STRADB: variants seen among roughly 807,000 people sequenced by gnomAD.
STRADB encodes STE20 related adaptor beta, also known as STE20-related kinase adapter protein beta.
STRADB carries 34 observed loss-of-function variants against 52.1 expected under a neutral mutation model. The observed-to-expected ratio is 0.65, with a 90% CI of 0.50 to 0.87. The LOEUF is 0.87. Ranked by LOEUF, STRADB falls within the 40% of genes least tolerant of loss-of-function variation. The pLI is 0.00. For synonymous variants in STRADB, 133 were observed against 174.5 expected, an observed-to-expected ratio of 0.76 and a Z score of 1.87; for missense variants, 340 against 483.9, an observed-to-expected ratio of 0.70 and a Z score of 2.79.
In STRADB at chr2:201,478,541, C is replaced by G. The variant is rs1952517394; in HGVS notation, c.1010C>G (p.Thr337Ser). Residue 337 changes from threonine (T) to serine (S), a missense_variant, in exon 10 of 12, where the codon ACT becomes AGT. Transcript: ENST00000194530. ...CGATTACACACACCATCCTCAAAAA[C>G]TTTCTCTCCTGCCTTCTTTAGCTTG... ...SDRLHTPSSK[T>S]FSPAFFSLVQ... is the part of the protein sequence containing the mutation. 6.2e-7 allele frequency: 1 copy of G among 1,613,890 alleles called. No homozygotes were observed. Among genetic ancestry groups the G allele is most frequent in the Non-Finnish European group, 8.5e-7 (1 of 1,180,012 alleles).
intron 9 of STRADB, 53 bp from the exon 10 acceptor site, chr2:201,478,304 C>T (rs1446658106): frequency 6.2e-7 from 1 of 1,602,932 alleles, no homozygotes. Flanking sequence ...ATTGTTGTTA[C>T]TGTTTTAATA....
chr2:201,475,634 T>G lies in STRADB; in HGVS notation c.440T>G (p.Leu147Arg), dbSNP rs1369743760. The G allele has an allele frequency of 1.2e-6, 2 of 1,611,814 alleles. No individual in the cohort carries two copies. Among genetic ancestry groups the G allele is most frequent in the Non-Finnish European group, 8.5e-7 (1 of 1,179,842 alleles). Reference sequence around the variant, plus strand: ...TTTCTTTCAGGTTCAGCAAGTCAACTCTTGAGGACCTATTTTCCTGAAGGA... The same window carrying G: ...TTTCTTTCAGGTTCAGCAAGTCAACGCTTGAGGACCTATTTTCCTGAAGGA... ...PFMAYGSASQ[L>R]LRTYFPEGMS... The change falls in exon 7 of 12, where the codon CTC becomes CGC. Residue 147 changes from leucine (L) to arginine (R), a missense_variant. By Grantham distance (102) the Leu-to-Arg change is moderately radical. Coordinates refer to ENST00000194530, the MANE Select transcript of STRADB (RefSeq NM_018571.6).
At position 201,455,795 on chromosome 2, in the gene STRADB, T is replaced by G. The variant is rs977051060; in HGVS notation, c.12+943T>G. Reference sequence around the variant, plus strand: ...TTTCATAGTTTCAAATTGTGTAAGTTTAGCAGGGCAGGTGGCATTATCCTC... The same window carrying G: ...TTTCATAGTTTCAAATTGTGTAAGTGTAGCAGGGCAGGTGGCATTATCCTC... On this transcript the variant is annotated intron_variant, in intron 2 of 11. Coordinates refer to ENST00000194530, the MANE Select transcript of STRADB (RefSeq NM_018571.6). 5.3e-5 allele frequency among the ~76,000 whole-genome samples: 8 copies of G among 152,352 alleles called. No homozygotes were observed. The East Asian group carries it at 1.3e-3, about 26-fold the overall frequency.
At chr2:201,458,291 ATAAT>A (rs1375207965) in intron 2 of STRADB, among the ~76,000 whole-genome samples, 1 of 152,208 alleles carries the variant, frequency 6.6e-6, no homozygotes, top group East Asian at 1.9e-4. Flanking sequence ...GCTTTGAGTT[ATAAT>A]TAGAGATGTT....
At chr2:201,475,586 T>C (rs1422510447) in intron 6 of STRADB, 33 bp from the exon 7 acceptor site, 2 of 1,611,306 alleles carry the variant, frequency 1.2e-6, no homozygotes, top group East Asian at 2.2e-5. Context: ...TCACTTTCAA[T>C]GTTCATCTAA....
intron 3 of STRADB, among the ~76,000 whole-genome samples, chr2:201,461,679 T>C (rs1321992522): frequency 6.6e-6 from 1 of 152,198 alleles, no homozygotes. Context: ...AGAAGCTTTT[T>C]AACTTGCTGT....
At chr2:201,469,172 A>G (rs1338142019) in intron 3 of STRADB, among the ~76,000 whole-genome samples, 1 of 152,240 alleles carries the variant, frequency 6.6e-6, no homozygotes, top group Non-Finnish European at 1.5e-5. Context: ...CACAATTCCT[A>G]GCACATAGTA....
intron 6 of STRADB, among the ~76,000 whole-genome samples, chr2:201,475,154 A>G (rs1255410210): frequency 6.6e-6 from 1 of 152,156 alleles, no homozygotes. Context: ...GTGTGTGTCC[A>G]TGTCCCTCAC....
rs185169930 is a variant in STRADB at position 201,475,364 on chromosome 2, T to C, written c.425-255T>C. On this transcript the variant is annotated intron_variant, in intron 6 of 11. Transcript: ENST00000194530. ...TAAGAAAAAAAAAAATATATATATATACACACAGAATGTATTTTTATTCAA... is the reference window on the plus strand; with the variant it reads ...TAAGAAAAAAAAAAATATATATATACACACACAGAATGTATTTTTATTCAA... Among the ~76,000 whole-genome samples, 314 of 152,142 alleles carry C rather than the reference T, an allele frequency of 2.1e-3. 3 individuals are homozygous for C. The highest frequency in any genetic ancestry group is 6.9e-3 in the African/African-American group (286 of 41,542).
At position 201,474,624 on chromosome 2, in the gene STRADB, T is replaced by C. The variant is rs769610064; in HGVS notation, c.316-23T>C. 3.2e-5 allele frequency: 51 copies of C among 1,590,884 alleles called. No homozygotes were observed. In the South Asian group the frequency reaches 5.5e-4, roughly 17 times the overall value. The stretch of plus-strand genomic sequence containing the variant: ...AAAAAACAGTTGTTTTTAAATGTCT[T>C]GTCTCTTGTGTGTTTATCCTAGAAA... On this transcript the variant is annotated intron_variant, in intron 5 of 11. Coordinates refer to ENST00000194530, the MANE Select transcript of STRADB (RefSeq NM_018571.6).
chr2:201,480,188 A>G lies in STRADB; in HGVS notation c.*13A>G, dbSNP rs756561349. On this transcript the variant is annotated 3_prime_UTR_variant, in exon 12 of 12. Coordinates refer to ENST00000194530, the MANE Select transcript of STRADB (RefSeq NM_018571.6). Reference sequence around the variant, plus strand: ...CTGGGAATTCTAGGGCTGCCAAATCATTTTATGTCCTATATACTTGACACT... The same window carrying G: ...CTGGGAATTCTAGGGCTGCCAAATCGTTTTATGTCCTATATACTTGACACT... 3 of 1,613,300 alleles carry G rather than the reference A, an allele frequency of 1.9e-6. No homozygotes were observed. Among genetic ancestry groups the G allele is most frequent in the Admixed American group, 3.3e-5 (2 of 59,952 alleles).
At chr2:201,453,709 A>G (rs1952085118) in intron 1 of STRADB, among the ~76,000 whole-genome samples, 1 of 152,164 alleles carries the variant, frequency 6.6e-6, no homozygotes, top group Admixed American at 6.5e-5. Flanking sequence ...TCAAGCTGAT[A>G]CAGTGTTTGC....
chr2:201,460,883 C>A (rs529819761), intron 3 of STRADB: 4 of 173,400 alleles, frequency 2.3e-5, no homozygotes, highest in South Asian at 1.1e-4. Context: ...ATATACCTAT[C>A]AGTGGGATCG....
Position 201,472,935 on chromosome 2 carries a change from A to G in STRADB, c.194-20A>G. 5 of 1,569,004 alleles carry G rather than the reference A, an allele frequency of 3.2e-6. No individual in the cohort carries two copies. Among genetic ancestry groups the G allele is most frequent in the Non-Finnish European group, 3.4e-6 (4 of 1,162,180 alleles). Reference sequence around the variant, plus strand: ...TTTTTCTTCTTTGGTTACTAACATGAGTTTTATGTCTGATTACAGGAAGAG... The same window carrying G: ...TTTTTCTTCTTTGGTTACTAACATGGGTTTTATGTCTGATTACAGGAAGAG... On this transcript the variant is annotated intron_variant, in intron 4 of 11. Coordinates refer to ENST00000194530, the MANE Select transcript of STRADB (RefSeq NM_018571.6).
intron 4 of STRADB, among the ~76,000 whole-genome samples, 156 bp downstream of exon 4, chr2:201,470,208 A>G (rs1216763160): frequency 6.6e-6 from 1 of 152,244 alleles, no homozygotes; most frequent in South Asian, 2.1e-4. Flanking sequence ...ATTTATGTCT[A>G]TCTTAAAATA....
At chr2:201,460,473 A>G (rs976142025) in intron 3 of STRADB, among the ~76,000 whole-genome samples, 2 of 152,120 alleles carry the variant, frequency 1.3e-5, no homozygotes, top group South Asian at 4.1e-4. Flanking sequence ...CAAATACTAG[A>G]TCTTACTCAT....
At chr2:201,462,839 TG>T (rs2125675010) in intron 3 of STRADB, among the ~76,000 whole-genome samples, 1 of 152,364 alleles carries the variant, frequency 6.6e-6, no homozygotes, top group East Asian at 1.9e-4. Context: ...TATAATAGTC[TG>T]TTTTTATCTG....
Position 201,454,760 on chromosome 2 carries a change from A to G in STRADB, c.-81A>G. The G allele has an allele frequency of 1.5e-6, 2 of 1,358,618 alleles. No individual in the cohort carries two copies. The highest frequency in any genetic ancestry group is 1.0e-6 in the Non-Finnish European group (1 of 978,382). 84.2% of individuals were successfully genotyped at this position (1,358,618 alleles called of 1,614,324 possible). A position where few individuals can be genotyped will look rare whatever the true frequency, so the allele number is the denominator to read the frequency against. On this transcript the variant is annotated 5_prime_UTR_variant, in exon 2 of 12. Transcript: ENST00000194530. ...GTTTTTTATAGTAGGATATATCTGCATCTTGAAAGGAAGATAAAACAAAAG... is the reference window on the plus strand; with the variant it reads ...GTTTTTTATAGTAGGATATATCTGCGTCTTGAAAGGAAGATAAAACAAAAG...
chr2:201,470,672 G>C (rs1238376316), intron 4 of STRADB, among the ~76,000 whole-genome samples: 1 of 152,128 alleles, frequency 6.6e-6, no homozygotes, highest in Non-Finnish European at 1.5e-5. Flanking sequence ...GCACTGGAGG[G>C]TACTTTAGTA....
Sources: gnomAD v4.1 joint callset for allele counts (sites outside exome capture counted in the v4.1 genomes callset) on GRCh38, gnomAD v4.1.1 for gene constraint, MANE v1.5 for transcripts, NCBI Gene and HGNC (gene_info 2026-07-23, HGNC 2026-07-21) for gene names.